FGF2: variants seen among roughly 807,000 people sequenced by gnomAD.
FGF2 encodes the protein basic fibroblast growth factor bFGF.
FGF2 carries 13 observed loss-of-function variants against 15.9 expected under a neutral mutation model. The observed-to-expected ratio is 0.82, with a 90% confidence interval of 0.53 to 1.30. The LOEUF is 1.30. Ranked by LOEUF, FGF2 falls within the 50% of genes most tolerant of loss-of-function variation. The pLI, the probability that FGF2 is intolerant of heterozygous loss-of-function variation, is 0.00. For missense variants in FGF2, 163 were observed against 196.9 expected (o/e 0.83, Z 1.03); for synonymous variants, 90 against 78.4 (o/e 1.15, Z -0.78).
chr4:122,880,203 A>G (rs1436015708), intron 2 of FGF2, among the ~76,000 whole-genome samples: 1 of 152,004 alleles, frequency 6.6e-6, no homozygotes, highest in Non-Finnish European at 1.5e-5. Flanking sequence ...TGAAGGGGCT[A>G]CAGGCCCTAT....
chr4:122,827,038 T>C lies in FGF2; in HGVS notation c.-137T>C. Reference sequence around the variant, plus strand: ...GGGGACCGCGGGCGCGGCCGCGCGCTGCCGGGCGGGAGGCTGGGGGGCCGG... The same window carrying C: ...GGGGACCGCGGGCGCGGCCGCGCGCCGCCGGGCGGGAGGCTGGGGGGCCGG... On this transcript the variant is annotated 5_prime_UTR_variant, in exon 1 of 3. Transcript: ENST00000644866. This position sits in a 1 kb window ranked among gnomAD's most constrained non-coding sequence, Gnocchi z 4.2. 2 of 1,149,888 alleles carry C rather than the reference T, an allele frequency of 1.7e-6. No individual in the cohort carries two copies. Among genetic ancestry groups the C allele is most frequent in the Non-Finnish European group, 2.1e-6 (2 of 937,280 alleles). The allele number at this position is 1,149,888 out of a possible 1,614,324, so 71.2% of individuals were successfully genotyped here. A position where few individuals can be genotyped will look rare whatever the true frequency, so the allele number is the denominator to read the frequency against.
chr4:122,855,983 G>A (rs946552735), intron 1 of FGF2, among the ~76,000 whole-genome samples: 2 of 152,188 alleles, frequency 1.3e-5, no homozygotes, highest in African/African-American at 4.8e-5. Context: ...AATAGGGATT[G>A]GAAGAAATTG....
At chr4:122,871,995 AG>A (rs1458823330) in intron 1 of FGF2, among the ~76,000 whole-genome samples, 1 of 152,166 alleles carries the variant, frequency 6.6e-6, no homozygotes, top group African/African-American at 2.4e-5. Flanking sequence ...CTCTCCATCA[AG>A]GGTGCAGAAC....
At chr4:122,829,906 G>A (rs1725724969) in intron 1 of FGF2, among the ~76,000 whole-genome samples, 1 of 152,088 alleles carries the variant, frequency 6.6e-6, no homozygotes. Context: ...CAAACCATGA[G>A]GAGACCCCCC....
At chr4:122,845,588 T>G (rs308423) in intron 1 of FGF2, among the ~76,000 whole-genome samples, 45,839 of 152,218 alleles carry the variant, frequency 0.3, 10,833 homozygotes, top group African/African-American at 0.66. Flanking sequence ...ATCAGCACTG[T>G]CTGTGTTACC....
At chr4:122,848,776 G>C (rs1405901709) in intron 1 of FGF2, among the ~76,000 whole-genome samples, 1 of 152,132 alleles carries the variant, frequency 6.6e-6, no homozygotes, top group African/African-American at 2.4e-5. Context: ...CCATTGATTA[G>C]AAGCAGGAGT....
At chr4:122,844,329 G>C (rs1726056124) in intron 1 of FGF2, among the ~76,000 whole-genome samples, 1 of 152,038 alleles carries the variant, frequency 6.6e-6, no homozygotes. Flanking sequence ...TCAAATTCTA[G>C]TTCTCTTTCT....
At chr4:122,833,388 A>T (rs1199633930) in intron 1 of FGF2, among the ~76,000 whole-genome samples, 1 of 152,196 alleles carries the variant, frequency 6.6e-6, no homozygotes, top group African/African-American at 2.4e-5. Flanking sequence ...AATTGAAAGG[A>T]ATGATCCTGG....
chr4:122,883,553 G>A lies in FGF2; in HGVS notation c.282+7129G>A, dbSNP rs189576239. On this transcript the variant is annotated intron_variant, in intron 2 of 2. Transcript: ENST00000644866. ...GACTTCTTACTCCATTCCATAGCAGGATAAATTTTGTTGCTATGAGCAACA... is the reference window on the plus strand; with the variant it reads ...GACTTCTTACTCCATTCCATAGCAGAATAAATTTTGTTGCTATGAGCAACA... Among the ~76,000 whole-genome samples, 584 of 152,294 alleles carry A rather than the reference G, an allele frequency of 3.8e-3. 2 individuals are homozygous for A. The Middle Eastern group carries it at 0.048, about 13-fold the overall frequency.
At chr4:122,837,937 A>G (rs766283743) in intron 1 of FGF2, among the ~76,000 whole-genome samples, 2 of 152,164 alleles carry the variant, frequency 1.3e-5, no homozygotes, top group Non-Finnish European at 2.9e-5. Flanking sequence ...GAAATATTCT[A>G]TTTTGAATGT....
intron 1 of FGF2, among the ~76,000 whole-genome samples, chr4:122,860,170 A>C (rs897863156): frequency 2.0e-5 from 3 of 152,146 alleles, no homozygotes; most frequent in Admixed American, 2.0e-4. Flanking sequence ...AAAGTTTTAA[A>C]ATTTTCTCCA....
Position 122,892,645 on chromosome 4 carries a change from C to CT in FGF2, c.*254dup. ...AGTGAAGCTTACCTAGAGCAATGATCTTTTTCACGCATTTGCTTTATTCGA... is the reference window on the plus strand; with the variant it reads ...AGTGAAGCTTACCTAGAGCAATGATCTTTTTTCACGCATTTGCTTTATTCGA... On this transcript the variant is annotated 3_prime_UTR_variant, in exon 3 of 3. Transcript: ENST00000644866. 7.1e-7 allele frequency: 1 copy of CT among 1,409,486 alleles called. No homozygotes were observed. The highest frequency in any genetic ancestry group is 2.5e-5 in the East Asian group (1 of 39,734). The allele number at this position is 1,409,486 out of a possible 1,614,324, so 87.3% of individuals were successfully genotyped here.
At chr4:122,891,090 G>T (rs1354465960) in intron 2 of FGF2, among the ~76,000 whole-genome samples, 1 of 147,808 alleles carries the variant, frequency 6.8e-6, no homozygotes, top group Non-Finnish European at 1.5e-5. Flanking sequence ...TCCCAGGTTG[G>T]AGTGCAGTGG....
intron 1 of FGF2, among the ~76,000 whole-genome samples, chr4:122,863,395 T>C (rs1238741405): frequency 1.3e-5 from 2 of 152,232 alleles, no homozygotes; most frequent in Non-Finnish European, 2.9e-5. Context: ...GTTTGATCTA[T>C]AGAGTTTCTC....
At position 122,892,445 on chromosome 4, in the gene FGF2, T is replaced by G. The variant is rs1184378765; in HGVS notation, c.*49T>G. On this transcript the variant is annotated 3_prime_UTR_variant, in exon 3 of 3. Coordinates refer to ENST00000644866, the MANE Select transcript of FGF2 (RefSeq NM_001361665.2). ...ATTTCACATGAAAGAAGAAGTATAT[T>G]TTAGAAATTTGTTAATGAGAGTAAA... is the stretch of plus-strand genomic sequence containing the variant. 3 of 1,611,220 alleles carry G rather than the reference T, an allele frequency of 1.9e-6. No individual in the cohort carries two copies. The highest frequency in any genetic ancestry group is 2.5e-6 in the Non-Finnish European group (3 of 1,177,840).
chr4:122,827,558 G>T lies in FGF2; in HGVS notation c.178+206G>T, dbSNP rs904705723. ...CGGCGTAGGCCCGGGTGTCCCCTGG[G>T]CTTTGGGGTGTGCCAATTTGCCCTG... On this transcript the variant is annotated intron_variant, in intron 1 of 2. Coordinates refer to ENST00000644866, the MANE Select transcript of FGF2 (RefSeq NM_001361665.2). The surrounding 1 kb of genome is among the most constrained non-coding windows in gnomAD (Gnocchi z 4.2). 6.6e-6 allele frequency among the ~76,000 whole-genome samples: 1 copy of T among 152,080 alleles called. No homozygotes were observed. Among genetic ancestry groups the T allele is most frequent in the African/African-American group, 2.4e-5 (1 of 41,418 alleles).
In FGF2 at chr4:122,826,953, G is replaced by C. The variant is rs1361070589; in HGVS notation, c.-222G>C. On this transcript the variant is annotated 5_prime_UTR_variant, in exon 1 of 3. Coordinates refer to ENST00000644866, the MANE Select transcript of FGF2 (RefSeq NM_001361665.2). ...ATCCGTGAACCCCAGGTCCCGGGCCGCCGGCTCGCCGCGCACCAGGGGCCG... is the reference window on the plus strand; with the variant it reads ...ATCCGTGAACCCCAGGTCCCGGGCCCCCGGCTCGCCGCGCACCAGGGGCCG... The C allele has an allele frequency of 7.4e-7, 1 of 1,352,666 alleles. No individual in the cohort carries two copies. Among genetic ancestry groups the C allele is most frequent in the Admixed American group, 3.0e-5 (1 of 33,804 alleles). The allele number at this position is 1,352,666 out of a possible 1,614,324, so 83.8% of individuals were successfully genotyped here. A position where few individuals can be genotyped will look rare whatever the true frequency, so the allele number is the denominator to read the frequency against.
chr4:122,847,465 T>G (rs1185410165), intron 1 of FGF2, among the ~76,000 whole-genome samples: 2 of 152,140 alleles, frequency 1.3e-5, no homozygotes, highest in Non-Finnish European at 2.9e-5. Flanking sequence ...CTTTGGAGTC[T>G]CATCACAGAG....
chr4:122,858,772 C>T (rs1456140515), intron 1 of FGF2, among the ~76,000 whole-genome samples: 1 of 151,866 alleles, frequency 6.6e-6, no homozygotes, highest in Non-Finnish European at 1.5e-5. Flanking sequence ...GCCTGGTCTT[C>T]AGCATTGGAT....
Sources: gnomAD v4.1 joint callset for allele counts (sites outside exome capture counted in the v4.1 genomes callset) on GRCh38, gnomAD v4.1.1 for gene constraint, Gnocchi (gnomAD v3.1) non-coding constraint, MANE v1.5 for transcripts, NCBI Gene and HGNC (gene_info 2026-07-23, HGNC 2026-07-21) for gene names.